Variants in CERCAM observed in about 807,000 individuals in gnomAD.
CERCAM encodes the protein inactive glycosyltransferase 25 family member 3.
Under a neutral mutation model 66.0 loss-of-function variants are expected in CERCAM, and 59 were observed. The observed-to-expected ratio is 0.89, with a 90% CI of 0.73 to 1.11. The LOEUF is 1.11. CERCAM is among the 50% of genes most tolerant of loss of function. The pLI is 0.00. For missense variants in CERCAM, 840 were observed against 828.3 expected (o/e 1.01, Z -0.17); for synonymous variants, 318 against 343.6 (o/e 0.93, Z 0.83).
At position 128,428,740 on chromosome 9, in the gene CERCAM, T is replaced by C. The variant is rs1210701992; in HGVS notation, c.887-17T>C. The stretch of plus-strand genomic sequence containing the variant: ...AGTCAGTAGGGACTCGTGCTTGGGG[T>C]GTGCTTCCCTTTGCAGTGGACGGCC... On this transcript the variant is annotated splice_polypyrimidine_tract_variant and intron_variant, in intron 6 of 12. Coordinates refer to ENST00000372838, the MANE Select transcript of CERCAM (RefSeq NM_016174.5). 16 of 1,613,380 alleles carry C rather than the reference T, an allele frequency of 9.9e-6. No homozygotes were observed. Among genetic ancestry groups the C allele is most frequent in the Non-Finnish European group, 5.9e-6 (7 of 1,179,782 alleles).
chr9:128,424,149 AGAC>A lies in CERCAM; in HGVS notation c.439_441del (p.Asp147del). The A allele has an allele frequency of 1.2e-6, 2 of 1,614,000 alleles. No individual in the cohort carries two copies. Among genetic ancestry groups the A allele is most frequent in the Non-Finnish European group, 1.7e-6 (2 of 1,179,956 alleles). ...TCCCCTCCTCAAAGTTTGCAGACAC[AGAC>A]AACATTCTGACCAACAATCAGACTC... On this transcript the variant is annotated inframe_deletion, in exon 4 of 13. Transcript: ENST00000372838.
chr9:128,422,978 G>C lies in CERCAM; in HGVS notation c.308G>C (p.Arg103Thr), dbSNP rs1208382641. The C allele has an allele frequency of 6.2e-7, 1 of 1,613,764 alleles. No homozygotes were observed. Among genetic ancestry groups the C allele is most frequent in the South Asian group, 1.1e-5 (1 of 91,070 alleles). ...AVVWRPEGEP[R>T]FYPDEEGPKH... is the part of the protein sequence containing the mutation. ...GTCTGGAGGCCTGAGGGCGAGCCCA[G>C]GTGGTGATCTGAGGGGAAGGGTGCT... The change falls in exon 2 of 13, where the codon AGG becomes ACG. Residue 103 changes from arginine (R) to threonine (T), a missense_variant and splice_region_variant. Coordinates refer to ENST00000372838, the MANE Select transcript of CERCAM (RefSeq NM_016174.5).
intron 5 of CERCAM, among the ~76,000 whole-genome samples, chr9:128,427,110 G>A (rs1220199631): frequency 2.6e-5 from 4 of 152,026 alleles, no homozygotes; most frequent in African/African-American, 7.2e-5. Flanking sequence ...GCTTTTATTT[G>A]TTTTTTGTTT....
rs147836219 is a variant in CERCAM, at chr9:128,434,599, C to T, written c.1521C>T (p.Phe507=). The change falls in exon 11 of 13, where the codon TTC becomes TTT. Residue 507 remains phenylalanine, a synonymous_variant. Transcript: ENST00000372838. This position sits in a 1 kb window ranked among gnomAD's most constrained non-coding sequence, Gnocchi z 4.5. ...TGGACGAGTTCCTGCCCATCATGTTCGACCAGCACCCCAAGTGAGGCTCTG... is the reference window on the plus strand; with the variant it reads ...TGGACGAGTTCCTGCCCATCATGTTTGACCAGCACCCCAAGTGAGGCTCTG... ...LPVDEFLPIM[F]DQHPNEQYKA... 908 of 1,606,196 alleles carry T rather than the reference C, an allele frequency of 5.7e-4. 5 individuals are homozygous for T. In the African/African-American group the frequency reaches 0.011, roughly 20 times the overall value.
In CERCAM at chr9:128,428,986, G is replaced by A. The variant is rs765933379; in HGVS notation, c.1020G>A (p.Ser340=). 1.2e-5 allele frequency: 20 copies of A among 1,611,034 alleles called. No homozygotes were observed. Among genetic ancestry groups the A allele is most frequent in the East Asian group, 4.5e-5 (2 of 44,844 alleles). ...RPDRRERMLA[S]LWEMEISGRV... Reference sequence around the variant, plus strand: ...ACCGTCGGGAACGCATGCTCGCCTCGCTCTGGGAGATGGAGATCTCTGGGA... The same window carrying A: ...ACCGTCGGGAACGCATGCTCGCCTCACTCTGGGAGATGGAGATCTCTGGGA... Residue 340 remains serine (S), a synonymous_variant, in exon 8 of 13, where the codon TCG becomes TCA. Transcript: ENST00000372838.
intron 9 of CERCAM, among the ~76,000 whole-genome samples, chr9:128,433,756 G>C (rs1420619831): frequency 6.6e-6 from 1 of 152,188 alleles, no homozygotes; most frequent in Non-Finnish European, 1.5e-5. Context: ...TGGACAGGCA[G>C]TTTCCCATCC....
chr9:128,435,708 C>T lies in CERCAM; in HGVS notation c.1591C>T (p.Pro531Ser), dbSNP rs944982333. 1 of 1,613,708 alleles carries T rather than the reference C, an allele frequency of 6.2e-7. No individual in the cohort carries two copies. Among genetic ancestry groups the T allele is most frequent in the Non-Finnish European group, 8.5e-7 (1 of 1,179,932 alleles). Residue 531 changes from proline (P) to serine (S), a missense_variant, in exon 12 of 13, where the codon CCC becomes TCC. Coordinates refer to ENST00000372838, the MANE Select transcript of CERCAM (RefSeq NM_016174.5). ...PRDLVAFSAQPLLAAPTHYAG... is the reference protein window; with the variant it reads ...PRDLVAFSAQSLLAAPTHYAG... Reference sequence around the variant, plus strand: ...GGACCTGGTGGCCTTCTCCGCCCAGCCCCTGCTCGCTGCCCCTACCCACTA... The same window carrying T: ...GGACCTGGTGGCCTTCTCCGCCCAGTCCCTGCTCGCTGCCCCTACCCACTA...
At position 128,434,688 on chromosome 9, in the gene CERCAM, G is replaced by A. The variant is rs1834068733; in HGVS notation, c.1535+75G>A. 3 of 1,441,140 alleles carry A rather than the reference G, an allele frequency of 2.1e-6. No individual in the cohort carries two copies. The allele number at this position is 1,441,140 out of a possible 1,614,324, so 89.3% of individuals were successfully genotyped here. On this transcript the variant is annotated intron_variant, in intron 11 of 12. Transcript: ENST00000372838. The surrounding 1 kb of genome is among the most constrained non-coding windows in gnomAD (Gnocchi z 4.5). ...AGGAACTCACCTCAGTCAGCAGGAA[G>A]TCCCCTCACCTGGCAGATGGGGAGA...
intron 9 of CERCAM, chr9:128,431,562 A>C (rs1833977696): frequency 4.5e-6 from 2 of 442,684 alleles, no homozygotes; most frequent in Non-Finnish European, 8.1e-6. Context: ...GGAACAATGC[A>C]TGTCTGCTCC....
intron 12 of CERCAM, 90 bp downstream of exon 12, chr9:128,435,995 C>A: frequency 8.0e-7 from 1 of 1,244,870 alleles, no homozygotes; most frequent in South Asian, 1.5e-5. Flanking sequence ...GCTGTTTTCC[C>A]CTTCTCAGCC....
At chr9:128,431,027 C>A in intron 8 of CERCAM, 144 bp from the exon 9 acceptor site, 1 of 1,004,652 alleles carries the variant, frequency 1.0e-6, no homozygotes, top group Non-Finnish European at 1.5e-6. Flanking sequence ...CCCTTGACAG[C>A]TTCAGGTCAC....
At chr9:128,428,016 C>T (rs917847805) in intron 5 of CERCAM, among the ~76,000 whole-genome samples, 2 of 152,158 alleles carry the variant, frequency 1.3e-5, no homozygotes, top group Non-Finnish European at 1.5e-5. Context: ...TCCTGCCTCA[C>T]CTTGATGCCC....
chr9:128,431,018 C>T, intron 8 of CERCAM, 153 bp from the exon 9 acceptor site: 1 of 925,570 alleles, frequency 1.1e-6, no homozygotes, highest in Admixed American at 2.3e-5. Flanking sequence ...AGGTCCAGTC[C>T]CTTGACAGCT....
rs764278765 is a variant in CERCAM, at chr9:128,434,783, G to T, written c.1535+170G>T. On this transcript the variant is annotated intron_variant, in intron 11 of 12. Transcript: ENST00000372838. This position sits in a 1 kb window ranked among gnomAD's most constrained non-coding sequence, Gnocchi z 4.5. ...GTGGCTCAGCCTAGCCTTAGAGTCA[G>T]TCCATTCTCGGTGTGTACTTTGCAC... Among the ~76,000 whole-genome samples, 6 of 152,160 alleles carry T rather than the reference G, an allele frequency of 3.9e-5. No individual in the cohort carries two copies. Among genetic ancestry groups the T allele is most frequent in the Admixed American group, 6.5e-5 (1 of 15,276 alleles).
chr9:128,423,074 G>A, intron 2 of CERCAM, 72 bp from the exon 3 acceptor site: 1 of 1,596,514 alleles, frequency 6.3e-7, no homozygotes, highest in Non-Finnish European at 8.5e-7. Context: ...TCCAAGCCAG[G>A]GCTCTGTCCA....
At chr9:128,425,049 T>G (rs1360439928) in intron 5 of CERCAM, among the ~76,000 whole-genome samples, 9 of 141,704 alleles carry the variant, frequency 6.4e-5, no homozygotes, top group East Asian at 2.2e-4. Context: ...TGAAAGGTTT[T>G]TTGTTGTTGT....
chr9:128,429,149 G>A (rs998135845), intron 8 of CERCAM, 113 bp downstream of exon 8: 2 of 737,726 alleles, frequency 2.7e-6, no homozygotes, highest in African/African-American at 1.8e-5. Flanking sequence ...CCTGTCCCAT[G>A]TAGTATCCAA....
intron 5 of CERCAM, among the ~76,000 whole-genome samples, chr9:128,426,748 A>G (rs1460310274): frequency 2.0e-5 from 3 of 152,214 alleles, no homozygotes; most frequent in Non-Finnish European, 2.9e-5. Flanking sequence ...GTGCATGGAG[A>G]AGAACTTTGC....
intron 8 of CERCAM, among the ~76,000 whole-genome samples, chr9:128,429,858 G>A (rs567667059): frequency 6.6e-6 from 1 of 151,462 alleles, no homozygotes; most frequent in African/African-American, 2.4e-5. Context: ...GCGCAATCTT[G>A]GCTCACTGCA....
Sources: allele counts gnomAD v4.1 joint callset (sites outside exome capture counted in the v4.1 genomes callset), GRCh38; gene constraint gnomAD v4.1.1; non-coding constraint Gnocchi (gnomAD v3.1); transcripts MANE v1.5; gene names NCBI Gene and HGNC (gene_info 2026-07-23, HGNC 2026-07-21).